TMEM68: variants seen among roughly 807,000 people sequenced by gnomAD.
TMEM68 encodes the protein transmembrane protein 68, also known as DGAT1/2-independent enzyme synthesizing storage lipids.
Under a neutral mutation model 36.9 loss-of-function variants are expected in TMEM68, and 25 were observed. The observed-to-expected ratio is 0.68, with a 90% confidence interval of 0.49 to 0.95. TMEM68 has a LOEUF of 0.95. Ranked by LOEUF, TMEM68 falls within the 40% of genes least tolerant of loss-of-function variation. The probability of loss-of-function intolerance (pLI) is 0.00; values close to 1 mark genes in which losing one functional copy is unlikely to be tolerated. For synonymous variants in TMEM68, 131 were observed against 124.4 expected (o/e 1.05, Z -0.35); for missense variants, 333 against 392.0 (o/e 0.85, Z 1.27).
chr8:55,750,523 A>G (rs944153521), intron 5 of TMEM68, among the ~76,000 whole-genome samples: 1 of 149,634 alleles, frequency 6.7e-6, no homozygotes, highest in Non-Finnish European at 1.5e-5. Flanking sequence ...GAACAAAATG[A>G]CATTCAAATT....
chr8:55,755,414 C>A (rs1051081484), intron 4 of TMEM68, among the ~76,000 whole-genome samples: 4 of 151,678 alleles, frequency 2.6e-5, no homozygotes, highest in Admixed American at 2.6e-4. Flanking sequence ...CTACAGAAGG[C>A]CTATTAGCCA....
At chr8:55,766,792 GGC>G (rs1810976286) in intron 1 of TMEM68, among the ~76,000 whole-genome samples, 2 of 152,138 alleles carry the variant, frequency 1.3e-5, no homozygotes, top group Admixed American at 1.3e-4. Context: ...ATACTACACA[GGC>G]AGCAAATAGG....
intron 4 of TMEM68, among the ~76,000 whole-genome samples, chr8:55,754,901 A>G (rs1020414397): frequency 5.1e-5 from 6 of 116,594 alleles, no homozygotes; most frequent in African/African-American, 2.3e-4. Flanking sequence ...TATAAAATAC[A>G]TATATTATAT....
At chr8:55,764,945 G>A (rs1563438746) in intron 1 of TMEM68, among the ~76,000 whole-genome samples, 1 of 152,128 alleles carries the variant, frequency 6.6e-6, no homozygotes, top group Non-Finnish European at 1.5e-5. Flanking sequence ...GGTGGTGCAC[G>A]CCTGTAGTCC....
chr8:55,749,480 T>C (rs561988406), intron 5 of TMEM68, among the ~76,000 whole-genome samples: 1 of 152,308 alleles, frequency 6.6e-6, no homozygotes, highest in Admixed American at 6.5e-5. Flanking sequence ...TATACACATA[T>C]ATATTACTGA....
intron 3 of TMEM68, among the ~76,000 whole-genome samples, chr8:55,760,248 G>C (rs1203673852): frequency 6.6e-6 from 1 of 152,236 alleles, no homozygotes; most frequent in African/African-American, 2.4e-5. Flanking sequence ...GGGAAGTCAG[G>C]ATATTCTAAG....
In TMEM68 at chr8:55,743,627, T is replaced by C; in HGVS notation, c.749-7A>G. ...TAAAGCCACCTAAATAACCCTGTTT[T>C]AGAGTAAATACAATCATTTTAACTT... On this transcript the variant is annotated splice_region_variant and splice_polypyrimidine_tract_variant and intron_variant, in intron 6 of 7. Coordinates refer to ENST00000434581, the MANE Select transcript of TMEM68 (RefSeq NM_001286657.2). 6.5e-7 allele frequency: 1 copy of C among 1,531,460 alleles called. No homozygotes were observed. The highest frequency in any genetic ancestry group is 8.7e-7 in the Non-Finnish European group (1 of 1,145,152). The allele number at this position is 1,531,460 out of a possible 1,614,324, so 94.9% of individuals were successfully genotyped here. A position where few individuals can be genotyped will look rare whatever the true frequency, so the allele number is the denominator to read the frequency against.
At position 55,768,980 on chromosome 8, in the gene TMEM68, C is replaced by T. The variant is rs1005135523; in HGVS notation, c.-115+4289G>A. On this transcript the variant is annotated intron_variant, in intron 1 of 7. Coordinates refer to ENST00000434581, the MANE Select transcript of TMEM68 (RefSeq NM_001286657.2). ...GCAGTGAGTAATGATCAAGCCACTG[C>T]ACTCCAGCCTCAGTGAAAGAGCAAG... 4.2e-5 allele frequency among the ~76,000 whole-genome samples: 6 copies of T among 141,280 alleles called. 1 individual carries two copies. The highest frequency in any genetic ancestry group is 1.3e-4 in the African/African-American group (5 of 38,080). 92.7% of individuals were successfully genotyped at this position (141,280 alleles called of 152,430 possible).
At chr8:55,741,132 T>A (rs1267859831) in intron 7 of TMEM68, among the ~76,000 whole-genome samples, 1 of 152,124 alleles carries the variant, frequency 6.6e-6, no homozygotes, top group Non-Finnish European at 1.5e-5. Context: ...CTTGGGAGGC[T>A]GAGGCAGGAG....
intron 5 of TMEM68, among the ~76,000 whole-genome samples, chr8:55,749,793 T>C (rs562902644): frequency 7.2e-5 from 11 of 152,334 alleles, no homozygotes; most frequent in African/African-American, 2.6e-4. Flanking sequence ...ATCAAACTTA[T>C]AAGATTTCTG....
intron 1 of TMEM68, among the ~76,000 whole-genome samples, chr8:55,769,018 TAAAAAAAAA>T (rs200493179): frequency 7.3e-5 from 6 of 82,094 alleles, no homozygotes; most frequent in African/African-American, 2.5e-4. Context: ...ACTCTGTCTT[TAAAAAAAAA>T]AAAAAAAAAA....
chr8:55,768,216 G>A (rs1443785162), intron 1 of TMEM68, among the ~76,000 whole-genome samples: 1 of 151,874 alleles, frequency 6.6e-6, no homozygotes. Flanking sequence ...CCTGGTAAGA[G>A]CTGTTTTTGT....
In TMEM68 at chr8:55,756,381, G is replaced by C; in HGVS notation, c.356C>G (p.Pro119Arg). The change falls in exon 4 of 8, where the codon CCA (proline) becomes CGA (arginine). Residue 119 changes from proline (P) to arginine (R), a missense_variant. Pro to Arg is a moderately radical substitution (Grantham distance 103, BLOSUM62 -2). Coordinates refer to ENST00000434581, the MANE Select transcript of TMEM68 (RefSeq NM_001286657.2). The stretch of plus-strand genomic sequence containing the variant: ...AATTATAAGTGCTGGTCCATCTTCT[G>C]GTATTTTTTCCATTCCATGAACTTC... ...GYEVHGMEKI[P>R]EDGPALIIFY... 5 of 1,582,294 alleles carry C rather than the reference G, an allele frequency of 3.2e-6. No individual in the cohort carries two copies. Among genetic ancestry groups the C allele is most frequent in the African/African-American group, 1.4e-5 (1 of 73,116 alleles).
chr8:55,751,333 T>C, intron 4 of TMEM68, 176 bp from the exon 5 acceptor site: 1 of 574,018 alleles, frequency 1.7e-6, no homozygotes, highest in Non-Finnish European at 3.0e-6. Context: ...TAAGCTTCTC[T>C]GGCTCAAATT....
chr8:55,756,171 G>A, intron 4 of TMEM68, 73 bp downstream of exon 4: 1 of 1,382,590 alleles, frequency 7.2e-7, no homozygotes, highest in Non-Finnish European at 9.8e-7. Context: ...AGAGAGCTCA[G>A]GATAGAGACG....
intron 4 of TMEM68, among the ~76,000 whole-genome samples, chr8:55,753,307 TA>T (rs1017227414): frequency 8.0e-4 from 121 of 152,174 alleles, no homozygotes; most frequent in African/African-American, 2.8e-3. Context: ...TAAAACATGG[TA>T]AAAATATTAA....
chr8:55,759,383 C>A lies in TMEM68; in HGVS notation c.326-2972G>T, dbSNP rs1398996605. On this transcript the variant is annotated intron_variant, in intron 3 of 7. Coordinates refer to ENST00000434581, the MANE Select transcript of TMEM68 (RefSeq NM_001286657.2). ...GTCAGGAGTTCAAGACCAGCCTGGC[C>A]AACATGGTGAAACCCCATCTCTACT... Among the ~76,000 whole-genome samples the A allele has an allele frequency of 3.3e-5, 5 of 151,892 alleles. No homozygotes were observed. The East Asian group carries it at 9.7e-4, about 29-fold the overall frequency.
intron 2 of TMEM68, chr8:55,763,715 A>ACATGTTTTTATCTT: frequency 2.4e-5 from 1 of 41,118 alleles, no homozygotes; most frequent in Non-Finnish European, 6.7e-5. Flanking sequence ...CACAAAAGAA[A>ACATGTTTTTATCTT]ACATCAATAT....
Position 55,751,070 on chromosome 8 carries a change from G to A in TMEM68, c.581C>T (p.Ala194Val). The A allele has an allele frequency of 6.2e-7, 1 of 1,614,084 alleles. No individual in the cohort carries two copies. The highest frequency in any genetic ancestry group is 8.5e-7 in the Non-Finnish European group (1 of 1,179,998). Residue 194 changes from alanine (A) to valine (V), a missense_variant, in exon 5 of 8, where the codon GCT becomes GTT. Transcript: ENST00000434581. ...VEILRSGHLL[A>V]ISPGGVREAL... ...TTCTCGAACTCCACCTGGTGAGATA[G>A]CTAACAAGTGGCCACTCCTCAGAAT... is the stretch of plus-strand genomic sequence containing the variant.
Sources: allele counts gnomAD v4.1 joint callset (sites outside exome capture counted in the v4.1 genomes callset), GRCh38; gene constraint gnomAD v4.1.1; transcripts MANE v1.5; gene names NCBI Gene and HGNC (gene_info 2026-07-23, HGNC 2026-07-21).